Variants in ORC5 observed in about 807,000 individuals in gnomAD.
The protein encoded by ORC5 is protein phosphatase 1, regulatory subunit 117.
ORC5 carries 39 observed loss-of-function variants against 58.8 expected under a neutral mutation model. The observed-to-expected ratio is 0.66, with a 90% CI of 0.51 to 0.87. The LOEUF is 0.87. Ranked by LOEUF, ORC5 falls within the 40% of genes least tolerant of loss-of-function variation. The pLI is 0.00. For synonymous variants in ORC5, 218 were observed against 177.6 expected, an observed-to-expected ratio of 1.23 and a Z score of -1.81; for missense variants, 493 against 506.3, an observed-to-expected ratio of 0.97 and a Z score of 0.25.
chr7:104,205,107 T>TTTTTTTTG (rs1800045808), intron 1 of ORC5, among the ~76,000 whole-genome samples: 1 of 147,766 alleles, frequency 6.8e-6, no homozygotes, highest in African/African-American at 2.5e-5. Flanking sequence ...TTTTTTTTTT[T>TTTTTTTTG]GAGATGGAGT....
At chr7:104,145,063 C>G (rs1024381040) in intron 12 of ORC5, among the ~76,000 whole-genome samples, 6 of 152,138 alleles carry the variant, frequency 3.9e-5, no homozygotes, top group Admixed American at 6.5e-5. Flanking sequence ...GGATGGGCAA[C>G]CAAGGGATAC....
chr7:104,201,404 A>C (rs1273114527), intron 2 of ORC5, among the ~76,000 whole-genome samples: 1 of 152,200 alleles, frequency 6.6e-6, no homozygotes, highest in Non-Finnish European at 1.5e-5. Flanking sequence ...AGTGATTCCC[A>C]TAAAATTTCC....
Position 104,204,246 on chromosome 7 carries a change from A to C in ORC5, c.73-12T>G. On this transcript the variant is annotated splice_polypyrimidine_tract_variant and intron_variant, in intron 1 of 13. Coordinates refer to ENST00000297431, the MANE Select transcript of ORC5 (RefSeq NM_002553.4). Reference sequence around the variant, plus strand: ...CTGAAATGATGTCTCTAACGAGAGAAAAGACAAATATGAGGCTGCACATAC... The same window carrying C: ...CTGAAATGATGTCTCTAACGAGAGACAAGACAAATATGAGGCTGCACATAC... The C allele has an allele frequency of 6.9e-7, 1 of 1,441,586 alleles. No homozygotes were observed. Among genetic ancestry groups the C allele is most frequent in the Non-Finnish European group, 9.7e-7 (1 of 1,032,110 alleles). The allele number at this position is 1,441,586 out of a possible 1,614,324, so 89.3% of individuals were successfully genotyped here. A position where few individuals can be genotyped will look rare whatever the true frequency, so the allele number is the denominator to read the frequency against.
intron 12 of ORC5, among the ~76,000 whole-genome samples, chr7:104,157,453 A>G (rs1047631329): frequency 2.6e-5 from 4 of 152,140 alleles, no homozygotes; most frequent in Admixed American, 6.6e-5. Context: ...AATGTTAATT[A>G]GAAGAGATAA....
At chr7:104,140,083 C>G (rs1798649010) in intron 12 of ORC5, among the ~76,000 whole-genome samples, 1 of 151,946 alleles carries the variant, frequency 6.6e-6, no homozygotes, top group Non-Finnish European at 1.5e-5. Context: ...CTTAATATAG[C>G]TATATTAGCA....
At position 104,165,277 on chromosome 7, in the gene ORC5, A is replaced by C. The variant is rs1451130513; in HGVS notation, c.996T>G (p.His332Gln). Residue 332 changes from histidine to glutamine, a missense_variant, in exon 11 of 14, where the codon CAT becomes CAG. His to Gln is a conservative substitution (Grantham distance 24). Coordinates refer to ENST00000297431, the MANE Select transcript of ORC5 (RefSeq NM_002553.4). ...RTDKRFFLKH[H>Q]GKIKKTNFLK... Reference sequence around the variant, plus strand: ...GAAAGTTGGTTTTCTTGATTTTTCCATGATGCTGCAATTAAGGAAAACAAA... The same window carrying C: ...GAAAGTTGGTTTTCTTGATTTTTCCCTGATGCTGCAATTAAGGAAAACAAA... 1.3e-6 allele frequency: 2 copies of C among 1,529,798 alleles called. No individual in the cohort carries two copies. Among genetic ancestry groups the C allele is most frequent in the East Asian group, 2.3e-5 (1 of 44,162 alleles). 94.8% of individuals were successfully genotyped at this position (1,529,798 alleles called of 1,614,324 possible). A position where few individuals can be genotyped will look rare whatever the true frequency, so the allele number is the denominator to read the frequency against.
At chr7:104,160,256 T>C (rs1229805244) in intron 12 of ORC5, among the ~76,000 whole-genome samples, 1 of 152,206 alleles carries the variant, frequency 6.6e-6, no homozygotes, top group Admixed American at 6.5e-5. Flanking sequence ...CACATTAGAT[T>C]ACAAAGTCTG....
At chr7:104,150,691 T>C (rs1041024174) in intron 12 of ORC5, among the ~76,000 whole-genome samples, 2 of 152,174 alleles carry the variant, frequency 1.3e-5, no homozygotes, top group African/African-American at 4.8e-5. Flanking sequence ...TGCAAATCTT[T>C]AGCAACCATG....
At chr7:104,184,761 G>C (rs1799508513) in intron 6 of ORC5, among the ~76,000 whole-genome samples, 1 of 152,158 alleles carries the variant, frequency 6.6e-6, no homozygotes, top group South Asian at 2.1e-4. Flanking sequence ...GGCTTTCTCT[G>C]ATCACCCCCC....
intron 1 of ORC5, 37 bp downstream of exon 1, chr7:104,207,796 T>G (rs1167989949): frequency 6.4e-7 from 1 of 1,571,106 alleles, no homozygotes; most frequent in Non-Finnish European, 8.8e-7. Flanking sequence ...CCGAAACGTC[T>G]GCCTCCAGGA....
intron 5 of ORC5, 74 bp downstream of exon 5, chr7:104,195,069 G>A: frequency 1.4e-6 from 1 of 707,986 alleles, no homozygotes; most frequent in South Asian, 1.8e-5. Context: ...ATTTGAATAT[G>A]CTAGTTTAAT....
chr7:104,197,466 G>C (rs762054385), intron 4 of ORC5, among the ~76,000 whole-genome samples: 1 of 151,978 alleles, frequency 6.6e-6, no homozygotes, highest in Non-Finnish European at 1.5e-5. Flanking sequence ...ATTTATTCTA[G>C]CAACATCTAA....
At chr7:104,202,494 T>C in intron 2 of ORC5, 1 of 456,228 alleles carries the variant, frequency 2.2e-6, no homozygotes, top group South Asian at 1.6e-5. Flanking sequence ...ACGGCATTTG[T>C]ACCATCCATG....
chr7:104,186,828 C>T (rs943030366), intron 6 of ORC5, among the ~76,000 whole-genome samples: 5 of 152,176 alleles, frequency 3.3e-5, no homozygotes, highest in East Asian at 3.9e-4. Flanking sequence ...TCTATTATTA[C>T]CAATAGTAGT....
At chr7:104,154,851 A>C (rs776612712) in intron 12 of ORC5, among the ~76,000 whole-genome samples, 10 of 151,904 alleles carry the variant, frequency 6.6e-5, no homozygotes, top group Admixed American at 1.3e-4. Flanking sequence ...TATTTGAAGA[A>C]ATATGCCAAA....
chr7:104,207,453 C>G (rs371929889), intron 1 of ORC5, among the ~76,000 whole-genome samples: 1 of 152,202 alleles, frequency 6.6e-6, no homozygotes, highest in African/African-American at 2.4e-5. Flanking sequence ...CTCCAACTAC[C>G]GCACAGAAAC....
intron 8 of ORC5, among the ~76,000 whole-genome samples, chr7:104,174,110 C>T (rs1799272942): frequency 6.6e-6 from 1 of 152,068 alleles, no homozygotes; most frequent in Admixed American, 6.6e-5. Context: ...TCCCAAAGTG[C>T]TGGGATTACA....
At chr7:104,206,304 GTTGT>G (rs377224374) in intron 1 of ORC5, among the ~76,000 whole-genome samples, 31 of 152,246 alleles carry the variant, frequency 2.0e-4, no homozygotes, top group Non-Finnish European at 3.5e-4. Flanking sequence ...CTTTGCTATA[GTTGT>G]TTGTATTTCC....
At chr7:104,183,849 C>T in intron 8 of ORC5, 94 bp downstream of exon 8, 1 of 822,910 alleles carries the variant, frequency 1.2e-6, no homozygotes, top group Non-Finnish European at 1.9e-6. Context: ...ATATCTTTTT[C>T]TTTTAGAGTC....
Sources: gnomAD v4.1 joint callset for allele counts (sites outside exome capture counted in the v4.1 genomes callset) on GRCh38, gnomAD v4.1.1 for gene constraint, MANE v1.5 for transcripts, NCBI Gene and HGNC (gene_info 2026-07-23, HGNC 2026-07-21) for gene names.